The following GCGR variants were observed in gnomAD, a reference collection of about 807,000 sequenced individuals.
GCGR encodes the protein glucagon receptor.
A neutral mutation model predicts 56.1 loss-of-function variants in GCGR; 41 were observed. The ratio of observed to expected loss-of-function variants is 0.73; its 90% CI spans 0.57 to 0.95. The LOEUF is 0.95. Among genes scored for constraint, GCGR ranks in the 40% least tolerant of loss-of-function variants. GCGR has a pLI of 0.00. For missense variants in GCGR, 595 were observed against 638.2 expected (o/e 0.93, Z 0.73); for synonymous variants, 278 against 271.1 (o/e 1.03, Z -0.25).
rs985466470 is a variant in GCGR at position 81,812,879 on chromosome 17, C to T, written c.1110C>T (p.Asp370=). 4.3e-5 allele frequency: 66 copies of T among 1,536,006 alleles called. No individual in the cohort carries two copies. Among genetic ancestry groups the T allele is most frequent in the African/African-American group, 9.6e-5 (7 of 73,028 alleles). ...AAGTGGTCTTCGCCTTCGTGACGGA[C>T]GAGCACGCCCAGGGCACCCTGCGCT... ...VHEVVFAFVT[D]EHAQGTLRSA... is the part of the protein sequence containing the mutation. Residue 370 remains aspartate, a synonymous_variant, in exon 12 of 14, where the codon GAC becomes GAT. Coordinates refer to ENST00000400723, the MANE Select transcript of GCGR (RefSeq NM_000160.5). This position sits in a 1 kb window ranked among gnomAD's most constrained non-coding sequence, Gnocchi z 8.5.
chr17:81,805,693 C>T (rs961325967), intron 1 of GCGR, among the ~76,000 whole-genome samples: 33 of 151,976 alleles, frequency 2.2e-4, no homozygotes, highest in Non-Finnish European at 4.3e-4. Context: ...GGGAACCCCC[C>T]CTATTGGGCA....
Position 81,813,396 on chromosome 17 carries a change from T to C in GCGR, c.1219-78T>C, listed in dbSNP as rs1423776559. 4.5e-6 allele frequency: 6 copies of C among 1,341,122 alleles called. No homozygotes were observed. The highest frequency in any genetic ancestry group is 4.1e-6 in the Non-Finnish European group (4 of 980,782). The allele number at this position is 1,341,122 out of a possible 1,614,324, so 83.1% of individuals were successfully genotyped here. ...CAGAGCGGAGACTGGGCATCTCCGA[T>C]GAGGCCCACAGCAGGTCCCGGTGGG... On this transcript the variant is annotated intron_variant, in intron 13 of 13. Coordinates refer to ENST00000400723, the MANE Select transcript of GCGR (RefSeq NM_000160.5). This position sits in a 1 kb window ranked among gnomAD's most constrained non-coding sequence, Gnocchi z 5.3.
At position 81,810,195 on chromosome 17, in the gene GCGR, GCAGA is replaced by G; in HGVS notation, c.163+315_163+318del. On this transcript the variant is annotated intron_variant, in intron 3 of 13. Transcript: ENST00000400723. This position sits in a 1 kb window ranked among gnomAD's most constrained non-coding sequence, Gnocchi z 4.6. ...TACAGCCCCGTGGAGTTTTCAGTGG[GCAGA>G]CAGTGCCAGGGCGTGGAAGCTGGGA... The G allele has an allele frequency of 4.3e-6, 2 of 461,912 alleles. No homozygotes were observed. The highest frequency in any genetic ancestry group is 8.1e-6 in the Non-Finnish European group (2 of 247,888). The allele number at this position is 461,912 out of a possible 1,614,324, so 28.6% of individuals were successfully genotyped here.
In GCGR at chr17:81,804,832, C is replaced by G. The variant is rs1478497814; in HGVS notation, c.-178+583C>G. Among the ~76,000 whole-genome samples, 1 of 152,146 alleles carries G rather than the reference C, an allele frequency of 6.6e-6. No homozygotes were observed. Among genetic ancestry groups the G allele is most frequent in the Non-Finnish European group, 1.5e-5 (1 of 68,000 alleles). On this transcript the variant is annotated intron_variant, in intron 1 of 13. Transcript: ENST00000400723. The surrounding 1 kb of genome is among the most constrained non-coding windows in gnomAD (Gnocchi z 8.2). Reference sequence around the variant, plus strand: ...ACTGCCCTGCCCGGCTCCGGCCCCCCCGGCGCCCCACCACCCGGCCGACTC... The same window carrying G: ...ACTGCCCTGCCCGGCTCCGGCCCCCGCGGCGCCCCACCACCCGGCCGACTC...
intron 1 of GCGR, among the ~76,000 whole-genome samples, chr17:81,807,999 G>T (rs934502858): frequency 3.9e-5 from 6 of 152,162 alleles, no homozygotes; most frequent in African/African-American, 1.4e-4. Flanking sequence ...TAACCTCAAA[G>T]GACTGTGCAG....
intron 3 of GCGR, 93 bp downstream of exon 3, chr17:81,809,977 CTTTG>C: frequency 6.3e-6 from 6 of 956,532 alleles, no homozygotes; most frequent in Non-Finnish European, 9.7e-6. Context: ...CTTATGCAGC[CTTTG>C]AGGACCCCGC....
At position 81,811,037 on chromosome 17, in the gene GCGR, G is replaced by A. The variant is rs2038084847; in HGVS notation, c.299G>A (p.Cys100Tyr). 6.5e-7 allele frequency: 1 copy of A among 1,536,040 alleles called. No individual in the cohort carries two copies. Among genetic ancestry groups the A allele is most frequent in the Non-Finnish European group, 8.7e-7 (1 of 1,146,882 alleles). ...KVQHRFVFKR[C>Y]GPDGQWVRGP... is the part of the protein sequence containing the mutation. ...CAACACCGCTTCGTGTTCAAGAGATGCGGGCCCGACGGTCAGTGGGTGCGT... is the reference window on the plus strand; with the variant it reads ...CAACACCGCTTCGTGTTCAAGAGATACGGGCCCGACGGTCAGTGGGTGCGT... The change falls in exon 5 of 14, where the codon TGC becomes TAC. Residue 100 changes from cysteine to tyrosine, a missense_variant. Physicochemically the swap from Cys to Tyr is radical, Grantham distance 194. Transcript: ENST00000400723. This position sits in a 1 kb window ranked among gnomAD's most constrained non-coding sequence, Gnocchi z 5.8.
Position 81,812,474 on chromosome 17 carries a change from T to G in GCGR, c.949-103T>G. 1 of 1,203,054 alleles carries G rather than the reference T, an allele frequency of 8.3e-7. No individual in the cohort carries two copies. Among genetic ancestry groups the G allele is most frequent in the East Asian group, 2.6e-5 (1 of 38,964 alleles). The allele number at this position is 1,203,054 out of a possible 1,614,324, so 74.5% of individuals were successfully genotyped here. ...GGGCTATGTGGCCCAGGGCCTATCT[T>G]GCTGCCAGGCCCACCTGCAGGAGGG... On this transcript the variant is annotated intron_variant, in intron 10 of 13. Transcript: ENST00000400723. This position sits in a 1 kb window ranked among gnomAD's most constrained non-coding sequence, Gnocchi z 8.5.
At chr17:81,808,612 C>T (rs552221954) in intron 1 of GCGR, among the ~76,000 whole-genome samples, 62 of 151,880 alleles carry the variant, frequency 4.1e-4, no homozygotes, top group African/African-American at 1.4e-3. Context: ...CTCTGCCTCC[C>T]GGGTTCACGC....
At chr17:81,809,413 G>A (rs971327199) in intron 2 of GCGR, among the ~76,000 whole-genome samples, 13 of 135,486 alleles carry the variant, frequency 9.6e-5, no homozygotes, top group Admixed American at 1.5e-4. Context: ...CTGCCTGTCC[G>A]TCTGCCTGCC....
At chr17:81,805,550 A>T (rs1283723023) in intron 1 of GCGR, among the ~76,000 whole-genome samples, 2 of 116,740 alleles carry the variant, frequency 1.7e-5, no homozygotes, top group Non-Finnish European at 3.5e-5. Context: ...GAACCCTCCC[A>T]TTGGGCACCT....
At position 81,806,161 on chromosome 17, in the gene GCGR, G is replaced by A. The variant is rs754123702; in HGVS notation, c.-178+1912G>A. ...CTCAGCTGGAAATTGGTCCCCCCCC[G>A]GCTCCACCCACCCCTGTTGGGGTGA... On this transcript the variant is annotated intron_variant, in intron 1 of 13. Coordinates refer to ENST00000400723, the MANE Select transcript of GCGR (RefSeq NM_000160.5). The surrounding 1 kb of genome is among the most constrained non-coding windows in gnomAD (Gnocchi z 6.5). 6.6e-5 allele frequency among the ~76,000 whole-genome samples: 10 copies of A among 151,456 alleles called. No individual in the cohort carries two copies. The highest frequency in any genetic ancestry group is 5.9e-4 in the Admixed American group (9 of 15,240).
Position 81,809,808 on chromosome 17 carries a change from G to A in GCGR, c.87G>A (p.Met29Ile). 3.3e-6 allele frequency: 5 copies of A among 1,536,670 alleles called. No homozygotes were observed. Among genetic ancestry groups the A allele is most frequent in the African/African-American group, 2.7e-5 (2 of 73,154 alleles). ...CQPQVPSAQV[M>I]DFLFEKWKLY... ...CACAGGTCCCCTCCGCTCAGGTGAT[G>A]GACTTCCTGTTTGAGAAGTGGAAGC... Residue 29 changes from methionine (M) to isoleucine (I), a missense_variant, in exon 3 of 14, where the codon ATG (methionine) becomes ATA (isoleucine). By Grantham distance (10) the Met-to-Ile change is conservative. Coordinates refer to ENST00000400723, the MANE Select transcript of GCGR (RefSeq NM_000160.5).
Position 81,809,838 on chromosome 17 carries a change from C to A in GCGR, c.117C>A (p.Tyr39Ter), listed in dbSNP as rs570064871. ...TCCTGTTTGAGAAGTGGAAGCTCTA[C>A]GGTGACCAGTGTCACCACAACCTGA... ...MDFLFEKWKLYGDQCHHNLSL... is the reference protein window; with the variant it reads ...MDFLFEKWKL The change falls in exon 3 of 14, where the codon TAC (tyrosine) becomes TAA (stop). Residue 39 changes from tyrosine (Y) to a stop codon, truncating the protein, a stop_gained. Transcript: ENST00000400723. LOFTEE classifies it high-confidence loss of function. 6.5e-7 allele frequency: 1 copy of A among 1,536,650 alleles called. No individual in the cohort carries two copies. Among genetic ancestry groups the A allele is most frequent in the Non-Finnish European group, 8.7e-7 (1 of 1,146,902 alleles).
chr17:81,807,011 T>C (rs148102803), intron 1 of GCGR, among the ~76,000 whole-genome samples: 19,313 of 152,050 alleles, frequency 0.13, 1,361 homozygotes, highest in Non-Finnish European at 0.16. Context: ...GTGCACACAG[T>C]GGGGAGAGGC....
rs574074521 is a variant in GCGR, at chr17:81,804,543, C to G, written c.-178+294C>G. On this transcript the variant is annotated intron_variant, in intron 1 of 13. Coordinates refer to ENST00000400723, the MANE Select transcript of GCGR (RefSeq NM_000160.5). The surrounding 1 kb of genome is among the most constrained non-coding windows in gnomAD (Gnocchi z 8.2). ...GGCGGGGGTGTCGCTGGCCGCCTGGCGCCCTGCGGCGGCCACACTGCAGCG... is the reference window on the plus strand; with the variant it reads ...GGCGGGGGTGTCGCTGGCCGCCTGGGGCCCTGCGGCGGCCACACTGCAGCG... Among the ~76,000 whole-genome samples the G allele has an allele frequency of 3.9e-5, 6 of 152,030 alleles. No individual in the cohort carries two copies. The highest frequency in any genetic ancestry group is 1.4e-4 in the African/African-American group (6 of 41,514).
intron 2 of GCGR, among the ~76,000 whole-genome samples, chr17:81,809,403 C>A (rs2038035597): frequency 6.8e-6 from 1 of 148,046 alleles, no homozygotes; most frequent in Non-Finnish European, 1.5e-5. Flanking sequence ...GTCTGCCTGT[C>A]TGCCTGTCCG....
At position 81,813,130 on chromosome 17, in the gene GCGR, A is replaced by T; in HGVS notation, c.1218+73A>T. 1 of 1,530,134 alleles carries T rather than the reference A, an allele frequency of 6.5e-7. No individual in the cohort carries two copies. The highest frequency in any genetic ancestry group is 2.2e-4 in the Middle Eastern group (1 of 4,508). 94.8% of individuals were successfully genotyped at this position (1,530,134 alleles called of 1,614,324 possible). On this transcript the variant is annotated intron_variant, in intron 13 of 13. Coordinates refer to ENST00000400723, the MANE Select transcript of GCGR (RefSeq NM_000160.5). The surrounding 1 kb of genome is among the most constrained non-coding windows in gnomAD (Gnocchi z 5.3). ...GTCAGGGGCAGAGAGAGGCACAGGG[A>T]TGCCAGCCCCACCCCTGCCCGGGGG... is the stretch of plus-strand genomic sequence containing the variant.
chr17:81,813,765 C>G lies in GCGR; in HGVS notation c.*76C>G. The G allele has an allele frequency of 1.4e-6, 2 of 1,407,192 alleles. No individual in the cohort carries two copies. Among genetic ancestry groups the G allele is most frequent in the Non-Finnish European group, 1.9e-6 (2 of 1,049,228 alleles). 87.2% of individuals were successfully genotyped at this position (1,407,192 alleles called of 1,614,324 possible). ...GCTGGACAACCCAGAACTGGACGCC[C>G]AGCTGAGGCTGGGGGCGGGGGAGCC... On this transcript the variant is annotated 3_prime_UTR_variant, in exon 14 of 14. Transcript: ENST00000400723. The surrounding 1 kb of genome is among the most constrained non-coding windows in gnomAD (Gnocchi z 5.3).
Sources: allele counts gnomAD v4.1 joint callset (sites outside exome capture counted in the v4.1 genomes callset), GRCh38; gene constraint gnomAD v4.1.1; non-coding constraint Gnocchi (gnomAD v3.1); transcripts MANE v1.5; gene names NCBI Gene and HGNC (gene_info 2026-07-23, HGNC 2026-07-21).